MGRN1: variants seen among roughly 807,000 people sequenced by gnomAD.
MGRN1 encodes mahogunin ring finger 1, also known as E3 ubiquitin-protein ligase MGRN1.
In MGRN1, 29 loss-of-function variants were observed where a neutral mutation model predicts 69.2. The observed-to-expected ratio is 0.42, with a 90% confidence interval of 0.31 to 0.57. The LOEUF (loss-of-function observed/expected upper bound fraction) is 0.57. MGRN1 is among the 20% of genes least tolerant of loss of function. The pLI, the probability that MGRN1 is intolerant of heterozygous loss-of-function variation, is 0.15. For synonymous variants in MGRN1, 470 were observed against 344.2 expected (o/e 1.37, Z -4.04); for missense variants, 998 against 796.2 (o/e 1.25, Z -3.05).
At chr16:4,630,354 C>CAAA (rs112834942) in intron 1 of MGRN1, among the ~76,000 whole-genome samples, 4 of 118,332 alleles carry the variant, frequency 3.4e-5, no homozygotes, top group African/African-American at 1.2e-4. Context: ...GACGCCGTCT[C>CAAA]AAAAAAAAAA....
intron 7 of MGRN1, among the ~76,000 whole-genome samples, chr16:4,667,226 G>A (rs2078825499): frequency 6.6e-6 from 1 of 152,234 alleles, no homozygotes; most frequent in Admixed American, 6.5e-5. Context: ...TCTAAGTGCA[G>A]AGTCCAGCTC....
rs1596326234 is a variant in MGRN1 at position 4,689,906 on chromosome 16, A to T, written c.*998A>T. 1 of 152,144 alleles carries T rather than the reference A, an allele frequency of 6.6e-6. No individual in the cohort carries two copies. Among genetic ancestry groups the T allele is most frequent in the Non-Finnish European group, 1.5e-5 (1 of 68,050 alleles). 9.4% of individuals were successfully genotyped at this position (152,144 alleles called of 1,614,324 possible). A position where few individuals can be genotyped will look rare whatever the true frequency, so the allele number is the denominator to read the frequency against. On this transcript the variant is annotated 3_prime_UTR_variant, in exon 17 of 17. Transcript: ENST00000262370. ...TTAGGCTCCTGAGTAGCTGGGGATT[A>T]CAGGTGCCTACCAGCATGCTCGGCT...
At chr16:4,663,899 A>G (rs1055156597) in intron 5 of MGRN1, among the ~76,000 whole-genome samples, 6 of 152,138 alleles carry the variant, frequency 3.9e-5, no homozygotes, top group South Asian at 4.1e-4. Context: ...CGCAAGAGGA[A>G]GCTTCTCTTT....
At chr16:4,688,290 G>C in intron 16 of MGRN1, 14 of 986,670 alleles carry the variant, frequency 1.4e-5, no homozygotes, top group Non-Finnish European at 1.7e-5. Context: ...CCACAGTCTG[G>C]GCATTGGGGC....
chr16:4,668,028 G>A (rs2078844154), intron 7 of MGRN1, among the ~76,000 whole-genome samples: 1 of 152,116 alleles, frequency 6.6e-6, no homozygotes, highest in African/African-American at 2.4e-5. Context: ...GAGGGTCCCC[G>A]GGCTGTGTGT....
intron 12 of MGRN1, chr16:4,681,324 G>C (rs1216391314): frequency 1.8e-5 from 10 of 552,794 alleles, no homozygotes; most frequent in Non-Finnish European, 2.9e-5. Flanking sequence ...CCTCGTGCCC[G>C]TCATCCCAGG....
chr16:4,661,781 C>A (rs943764476), intron 5 of MGRN1, among the ~76,000 whole-genome samples: 1 of 152,256 alleles, frequency 6.6e-6, no homozygotes, highest in Non-Finnish European at 1.5e-5. Flanking sequence ...GACCCTTCCT[C>A]GTGAGATGCG....
chr16:4,661,916 A>G (rs932424155), intron 5 of MGRN1, among the ~76,000 whole-genome samples: 4 of 152,162 alleles, frequency 2.6e-5, no homozygotes, highest in African/African-American at 9.7e-5. Context: ...TGGAACTCTT[A>G]GCTCCAGATG....
At chr16:4,627,680 G>T (rs770542579) in intron 1 of MGRN1, among the ~76,000 whole-genome samples, 8 of 151,590 alleles carry the variant, frequency 5.3e-5, no homozygotes, top group Admixed American at 1.3e-4. Flanking sequence ...TCCCAGCTAC[G>T]CGGGAGGCTG....
chr16:4,667,555 A>C (rs2078833042), intron 7 of MGRN1, among the ~76,000 whole-genome samples: 1 of 152,236 alleles, frequency 6.6e-6, no homozygotes, highest in Non-Finnish European at 1.5e-5. Flanking sequence ...TACAGAACCC[A>C]GTGGGAAACT....
intron 7 of MGRN1, among the ~76,000 whole-genome samples, chr16:4,667,914 C>A (rs769862269): frequency 6.6e-6 from 1 of 152,134 alleles, no homozygotes; most frequent in African/African-American, 2.4e-5. Context: ...TGATACTTCT[C>A]GGTGTGCAGG....
chr16:4,675,636 C>T (rs1397975943), intron 10 of MGRN1, among the ~76,000 whole-genome samples: 3 of 150,778 alleles, frequency 2.0e-5, no homozygotes, highest in Non-Finnish European at 4.4e-5. Flanking sequence ...AAGGCTGAGG[C>T]GGGAGGATCG....
chr16:4,636,163 A>C (rs1898278752), intron 1 of MGRN1, among the ~76,000 whole-genome samples: 1 of 152,070 alleles, frequency 6.6e-6, no homozygotes, highest in Admixed American at 6.6e-5. Flanking sequence ...AAATGATCAC[A>C]AAATGAACAT....
intron 3 of MGRN1, 67 bp from the exon 4 acceptor site, chr16:4,652,611 G>A: frequency 6.5e-7 from 1 of 1,534,870 alleles, no homozygotes; most frequent in African/African-American, 1.4e-5. Flanking sequence ...CAGCCTGGCA[G>A]GGGAGGAGGC....
chr16:4,674,358 G>T (rs765265240), intron 10 of MGRN1, among the ~76,000 whole-genome samples: 2 of 151,200 alleles, frequency 1.3e-5, no homozygotes, highest in African/African-American at 2.4e-5. Context: ...TTGCAGTCTC[G>T]GCTCACTGCA....
chr16:4,629,057 G>C (rs1464083082), intron 1 of MGRN1, among the ~76,000 whole-genome samples: 1 of 151,744 alleles, frequency 6.6e-6, no homozygotes, highest in Non-Finnish European at 1.5e-5. Flanking sequence ...GGCTGGTTTC[G>C]AACTCCCGAC....
intron 11 of MGRN1, among the ~76,000 whole-genome samples, chr16:4,677,836 CTT>C (rs747139466): frequency 0.025 from 2,803 of 111,936 alleles, 32 homozygotes; most frequent in African/African-American, 0.031. Context: ...GAGCCAGGTG[CTT>C]TTTTTTTTTT....
rs1282282608 is a variant in MGRN1, at chr16:4,683,833, C to G, written c.1529-10C>G. 1 of 1,611,958 alleles carries G rather than the reference C, an allele frequency of 6.2e-7. No individual in the cohort carries two copies. The highest frequency in any genetic ancestry group is 1.7e-5 in the Admixed American group (1 of 59,954). On this transcript the variant is annotated splice_polypyrimidine_tract_variant and intron_variant, in intron 15 of 16. Coordinates refer to ENST00000262370, the MANE Select transcript of MGRN1 (RefSeq NM_015246.4). ...GCCTGTAGGTCCCTAACCTCACCCT[C>G]TGCCTGCAGGGACCCGAGCAGCTTC... is the stretch of plus-strand genomic sequence containing the variant.
intron 1 of MGRN1, among the ~76,000 whole-genome samples, chr16:4,627,793 A>G (rs1182040950): frequency 7.2e-6 from 1 of 138,510 alleles, no homozygotes; most frequent in Non-Finnish European, 1.6e-5. Flanking sequence ...CCGTCTCAAA[A>G]AAAAAGGCTG....
Sources: allele counts gnomAD v4.1 joint callset (sites outside exome capture counted in the v4.1 genomes callset), GRCh38; gene constraint gnomAD v4.1.1; transcripts MANE v1.5; gene names NCBI Gene and HGNC (gene_info 2026-07-23, HGNC 2026-07-21).